The following SGPP2 variants were observed in gnomAD, a reference collection of about 807,000 sequenced individuals.
The protein encoded by SGPP2 is sphingosine-1-phosphate phosphatase 2, also known as sphingosine 1-phosphate phosphohydrolase 2.
In SGPP2, 30 loss-of-function variants were observed where a neutral mutation model predicts 33.9. That is an observed-to-expected ratio of 0.89 (90% CI 0.66 to 1.20). SGPP2 has a LOEUF of 1.20. Among genes scored for constraint, SGPP2 ranks in the 50% most tolerant of loss-of-function variants. The pLI is 0.00. For synonymous variants in SGPP2, 233 were observed against 225.0 expected, an observed-to-expected ratio of 1.04 and a Z score of -0.32; for missense variants, 458 against 532.1, an observed-to-expected ratio of 0.86 and a Z score of 1.37.
At chr2:222,494,779 C>T (rs758033304) in intron 2 of SGPP2, among the ~76,000 whole-genome samples, 1 of 152,188 alleles carries the variant, frequency 6.6e-6, no homozygotes, top group Non-Finnish European at 1.5e-5. Context: ...AAACATTTGC[C>T]AAAGACTGTA....
chr2:222,472,646 C>A (rs562067302), intron 1 of SGPP2, among the ~76,000 whole-genome samples: 17 of 152,252 alleles, frequency 1.1e-4, no homozygotes, highest in Admixed American at 8.5e-4. Context: ...AGAATTCAGG[C>A]CTCTCCCAAA....
intron 1 of SGPP2, among the ~76,000 whole-genome samples, chr2:222,471,013 G>T (rs1319008817): frequency 6.6e-6 from 1 of 152,156 alleles, no homozygotes; most frequent in Non-Finnish European, 1.5e-5. Flanking sequence ...TAGCAGAGAG[G>T]TGAAACTCTA....
At chr2:222,531,835 T>C (rs571517349) in intron 4 of SGPP2, among the ~76,000 whole-genome samples, 2 of 152,268 alleles carry the variant, frequency 1.3e-5, no homozygotes, top group African/African-American at 4.8e-5. Context: ...GATATGTGCA[T>C]GCCCCTGAAC....
intron 4 of SGPP2, among the ~76,000 whole-genome samples, chr2:222,547,429 G>T (rs1689221142): frequency 6.6e-6 from 1 of 152,152 alleles, no homozygotes; most frequent in South Asian, 2.1e-4. Flanking sequence ...AATTATGGGT[G>T]GGGAAATTTT....
chr2:222,539,472 C>T (rs1698960994), intron 4 of SGPP2, among the ~76,000 whole-genome samples: 1 of 152,194 alleles, frequency 6.6e-6, no homozygotes, highest in Non-Finnish European at 1.5e-5. Flanking sequence ...GAGATCATTG[C>T]TATACTCAGT....
At chr2:222,536,016 T>C (rs1219695729) in intron 4 of SGPP2, among the ~76,000 whole-genome samples, 3 of 152,198 alleles carry the variant, frequency 2.0e-5, no homozygotes, top group African/African-American at 7.2e-5. Context: ...GGATTTGAGA[T>C]CTGACACTAC....
chr2:222,557,166 A>G (rs1416909318), intron 4 of SGPP2, among the ~76,000 whole-genome samples: 2 of 152,144 alleles, frequency 1.3e-5, no homozygotes, highest in Admixed American at 6.5e-5. Context: ...GGGACCATCA[A>G]GATCCCTCAC....
intron 2 of SGPP2, among the ~76,000 whole-genome samples, chr2:222,516,560 A>G (rs1208056968): frequency 6.6e-6 from 1 of 152,242 alleles, no homozygotes; most frequent in African/African-American, 2.4e-5. Flanking sequence ...GCTGGATCAT[A>G]TGATAAGTAT....
At chr2:222,474,788 T>A in intron 2 of SGPP2, 62 bp downstream of exon 2, 1 of 1,308,408 alleles carries the variant, frequency 7.6e-7, no homozygotes, top group Non-Finnish European at 1.1e-6. Flanking sequence ...CCTTTGATAC[T>A]CAAGTACTTT....
rs1022550971 is a variant in SGPP2 at position 222,452,659 on chromosome 2, T to C, written c.220-21909T>C. On this transcript the variant is annotated intron_variant, in intron 1 of 4. Coordinates refer to ENST00000321276, the MANE Select transcript of SGPP2 (RefSeq NM_152386.4). ...GTCTGAGTGTTCCAGGAGTAGTTGCTCCAGGACTGGATGTTCAGGCTGTGG... is the reference window on the plus strand; with the variant it reads ...GTCTGAGTGTTCCAGGAGTAGTTGCCCCAGGACTGGATGTTCAGGCTGTGG... The C allele has an allele frequency of 5.1e-6, 7 of 1,385,372 alleles. No individual in the cohort carries two copies. The African/African-American group carries it at 9.9e-5, about 20-fold the overall frequency. 85.8% of individuals were successfully genotyped at this position (1,385,372 alleles called of 1,614,324 possible). A position where few individuals can be genotyped will look rare whatever the true frequency, so the allele number is the denominator to read the frequency against.
intron 1 of SGPP2, among the ~76,000 whole-genome samples, chr2:222,448,628 G>A (rs1697432014): frequency 6.6e-6 from 1 of 152,182 alleles, no homozygotes; most frequent in South Asian, 2.1e-4. Context: ...TAGAAACTCT[G>A]CATTATTTTT....
At chr2:222,505,828 G>C (rs1698436254) in intron 2 of SGPP2, among the ~76,000 whole-genome samples, 2 of 151,654 alleles carry the variant, frequency 1.3e-5, no homozygotes, top group African/African-American at 4.9e-5. Context: ...CCAGCTACTT[G>C]GGGGGCTGAG....
In SGPP2 at chr2:222,517,814, G is replaced by A. The variant is rs560609363; in HGVS notation, c.379-3953G>A. ...GAGCAGCAGCTGCAGCCAAACAGAC[G>A]AGCCACACCCCTGTTGCACGTCCTG... On this transcript the variant is annotated intron_variant, in intron 2 of 4. Transcript: ENST00000321276. 1.2e-4 allele frequency among the ~76,000 whole-genome samples: 19 copies of A among 152,268 alleles called. No homozygotes were observed. The South Asian group carries it at 2.1e-3, about 17-fold the overall frequency.
chr2:222,487,984 G>A (rs988469709), intron 2 of SGPP2, among the ~76,000 whole-genome samples: 6 of 152,048 alleles, frequency 3.9e-5, no homozygotes, highest in African/African-American at 7.2e-5. Flanking sequence ...GAGAACAAAC[G>A]AATCCACACA....
intron 2 of SGPP2, chr2:222,504,496 G>C (rs1363362200): frequency 6.6e-6 from 1 of 152,208 alleles, no homozygotes; most frequent in Non-Finnish European, 1.5e-5. Flanking sequence ...CAGGTGATAG[G>C]AATAATAACC....
intron 2 of SGPP2, among the ~76,000 whole-genome samples, chr2:222,512,453 G>T (rs1010803982): frequency 2.0e-5 from 3 of 152,002 alleles, no homozygotes; most frequent in Admixed American, 2.0e-4. Flanking sequence ...GATACATTTG[G>T]TACAATCCAT....
chr2:222,466,320 G>A (rs1265494981), intron 1 of SGPP2, among the ~76,000 whole-genome samples: 3 of 143,508 alleles, frequency 2.1e-5, no homozygotes, highest in Non-Finnish European at 4.5e-5. Flanking sequence ...GTGCAGTGGC[G>A]CAATCTCGGC....
chr2:222,527,007 C>T (rs1698768368), intron 4 of SGPP2, among the ~76,000 whole-genome samples: 2 of 152,058 alleles, frequency 1.3e-5, no homozygotes, highest in Admixed American at 6.6e-5. Flanking sequence ...AGAATGATCT[C>T]GAGAACTCGG....
intron 4 of SGPP2, among the ~76,000 whole-genome samples, chr2:222,552,536 A>G (rs1467725900): frequency 2.6e-5 from 4 of 152,134 alleles, no homozygotes; most frequent in Admixed American, 2.6e-4. Flanking sequence ...CTCAGGTGAT[A>G]GGTACACCAA....
Sources: gnomAD v4.1 joint callset for allele counts (sites outside exome capture counted in the v4.1 genomes callset) on GRCh38, gnomAD v4.1.1 for gene constraint, MANE v1.5 for transcripts, NCBI Gene and HGNC (gene_info 2026-07-23, HGNC 2026-07-21) for gene names.